NDST4: variants seen among roughly 807,000 people sequenced by gnomAD.
The protein encoded by NDST4 is N-heparan sulfate sulfotransferase 4.
Under a neutral mutation model 100.8 loss-of-function variants are expected in NDST4, and 63 were observed. The ratio of observed to expected loss-of-function variants is 0.62; its 90% CI spans 0.51 to 0.77. NDST4 has a LOEUF of 0.77. NDST4 is among the 30% of genes least tolerant of loss of function. The probability of loss-of-function intolerance (pLI) is 0.00; values close to 1 mark genes in which losing one functional copy is unlikely to be tolerated. For synonymous variants in NDST4, 377 were observed against 361.8 expected, an observed-to-expected ratio of 1.04 and a Z score of -0.48; for missense variants, 943 against 1,018.4, an observed-to-expected ratio of 0.93 and a Z score of 1.01.
chr4:115,002,521 G>A (rs1298595290), intron 2 of NDST4, among the ~76,000 whole-genome samples: 1 of 152,012 alleles, frequency 6.6e-6, no homozygotes, highest in Non-Finnish European at 1.5e-5. Flanking sequence ...TTGCCAATTT[G>A]GGCTTTTGTT....
chr4:114,951,200 TG>T lies in NDST4; in HGVS notation c.1222-13698del, dbSNP rs1725982364. ...AAAGATTCACGTGTTCACATGCACA[TG>T]AATGAACACTTTAATTAATTTTTTC... On this transcript the variant is annotated intron_variant, in intron 4 of 13. Coordinates refer to ENST00000264363, the MANE Select transcript of NDST4 (RefSeq NM_022569.3). Among the ~76,000 whole-genome samples, 3 of 152,112 alleles carry T rather than the reference TG, an allele frequency of 2.0e-5. No individual in the cohort carries two copies. The South Asian group carries it at 6.2e-4, about 32-fold the overall frequency.
At chr4:114,884,046 C>T (rs1724427625) in intron 6 of NDST4, among the ~76,000 whole-genome samples, 1 of 152,074 alleles carries the variant, frequency 6.6e-6, no homozygotes. Flanking sequence ...GAAAGTCATG[C>T]CATGCTCACA....
intron 2 of NDST4, among the ~76,000 whole-genome samples, chr4:115,023,761 A>G (rs1014484117): frequency 6.6e-6 from 1 of 152,284 alleles, no homozygotes; most frequent in Admixed American, 6.5e-5. Context: ...GACAAAAGGT[A>G]TCATGAACAC....
intron 1 of NDST4, among the ~76,000 whole-genome samples, chr4:115,092,983 G>A (rs1729548415): frequency 6.6e-6 from 1 of 152,066 alleles, no homozygotes; most frequent in Admixed American, 6.5e-5. Context: ...AAGTAATCAT[G>A]AAAAAGATAT....
At chr4:114,878,690 T>C (rs1724306541) in intron 6 of NDST4, among the ~76,000 whole-genome samples, 1 of 152,092 alleles carries the variant, frequency 6.6e-6, no homozygotes, top group Non-Finnish European at 1.5e-5. Flanking sequence ...AGTTTATAGG[T>C]TTGTTGTGAT....
chr4:115,013,961 G>C (rs1727617969), intron 2 of NDST4, among the ~76,000 whole-genome samples: 1 of 151,962 alleles, frequency 6.6e-6, no homozygotes, highest in South Asian at 2.1e-4. Context: ...AGACTATTTG[G>C]CCTGTGCAAA....
At chr4:114,899,259 C>A (rs997254110) in intron 6 of NDST4, among the ~76,000 whole-genome samples, 7 of 152,162 alleles carry the variant, frequency 4.6e-5, no homozygotes, top group African/African-American at 1.7e-4. Flanking sequence ...CTCACTGCAA[C>A]CTCCGCCTCC....
At chr4:115,069,144 G>T (rs574420862) in intron 2 of NDST4, among the ~76,000 whole-genome samples, 4 of 152,284 alleles carry the variant, frequency 2.6e-5, no homozygotes, top group South Asian at 2.1e-4. Context: ...AACTTAAAAT[G>T]TGGGTAGATT....
rs563656869 is a variant in NDST4 at position 115,022,649 on chromosome 4, C to T, written c.979-45375G>A. 1.5e-4 allele frequency among the ~76,000 whole-genome samples: 23 copies of T among 152,112 alleles called. No homozygotes were observed. In the East Asian group the frequency reaches 2.5e-3, roughly 17 times the overall value. Reference sequence around the variant, plus strand: ...TGGTAAACCAAATGAAATGGTTTGGCTATGTCCCCACCCGAATCTCATCTT... The same window carrying T: ...TGGTAAACCAAATGAAATGGTTTGGTTATGTCCCCACCCGAATCTCATCTT... On this transcript the variant is annotated intron_variant, in intron 2 of 13. Transcript: ENST00000264363.
chr4:115,020,044 G>A (rs1385481342), intron 2 of NDST4, among the ~76,000 whole-genome samples: 29 of 152,074 alleles, frequency 1.9e-4, no homozygotes, highest in Non-Finnish European at 8.8e-5. Flanking sequence ...ATGTAGATGC[G>A]CTGTTGGAAT....
At position 114,992,524 on chromosome 4, in the gene NDST4, T is replaced by C. The variant is rs190179800; in HGVS notation, c.979-15250A>G. Among the ~76,000 whole-genome samples the C allele has an allele frequency of 4.2e-3, 639 of 151,700 alleles. 10 individuals are homozygous for C. Among genetic ancestry groups the C allele is most frequent in the Middle Eastern group, 0.017 (5 of 294 alleles). ...CCCTTCACAGAACATGTTTGAACTA[T>C]ATGGGTCTGCTTATAGGAAGGTTTT... On this transcript the variant is annotated intron_variant, in intron 2 of 13. Transcript: ENST00000264363.
At chr4:115,087,477 A>C (rs496992) in intron 1 of NDST4, among the ~76,000 whole-genome samples, 23,806 of 151,212 alleles carry the variant, frequency 0.16, 2,283 homozygotes, top group East Asian at 0.46. Context: ...TCCCTTTCCT[A>C]TTTCCCCTTC....
At chr4:115,065,329 G>A (rs547741446) in intron 2 of NDST4, among the ~76,000 whole-genome samples, 19 of 152,046 alleles carry the variant, frequency 1.2e-4, no homozygotes, top group Non-Finnish European at 2.6e-4. Flanking sequence ...ATTAGGTTAA[G>A]GTAAACTAGT....
intron 2 of NDST4, among the ~76,000 whole-genome samples, chr4:115,049,186 C>T (rs574869927): frequency 1.1e-4 from 16 of 151,986 alleles, no homozygotes; most frequent in Non-Finnish European, 2.1e-4. Context: ...ACTTTGGTTT[C>T]GCAGCCCAGA....
At chr4:114,934,986 T>C (rs1222213978) in intron 6 of NDST4, 2 of 248,902 alleles carry the variant, frequency 8.0e-6, no homozygotes, top group African/African-American at 4.5e-5. Context: ...ACTACCCACA[T>C]TACAAAGTAA....
chr4:114,888,389 G>T (rs1724523829), intron 6 of NDST4, among the ~76,000 whole-genome samples: 1 of 152,100 alleles, frequency 6.6e-6, no homozygotes, highest in Non-Finnish European at 1.5e-5. Context: ...TGCTCATTCA[G>T]CATGGCTCAA....
At chr4:114,936,527 AC>A (rs1217845824) in intron 5 of NDST4, among the ~76,000 whole-genome samples, 1 of 152,198 alleles carries the variant, frequency 6.6e-6, no homozygotes, top group African/African-American at 2.4e-5. Context: ...ATGAGTAAGA[AC>A]AGTTTGTAAA....
Position 115,078,781 on chromosome 4 carries a change from A to G in NDST4, c.-246-1499T>C, listed in dbSNP as rs538084930. Among the ~76,000 whole-genome samples, 13 of 152,214 alleles carry G rather than the reference A, an allele frequency of 8.5e-5. No individual in the cohort carries two copies. In the East Asian group the frequency reaches 1.6e-3, roughly 18 times the overall value. On this transcript the variant is annotated intron_variant, in intron 1 of 13. Transcript: ENST00000264363. Reference sequence around the variant, plus strand: ...CTTGAACCCGGGAGGCGGAAGATGCAGTGAGCTGAGATTGTGCCACTGCAC... The same window carrying G: ...CTTGAACCCGGGAGGCGGAAGATGCGGTGAGCTGAGATTGTGCCACTGCAC...
intron 4 of NDST4, among the ~76,000 whole-genome samples, chr4:114,943,073 T>C (rs575793215): frequency 2.3e-4 from 34 of 147,190 alleles, no homozygotes; most frequent in African/African-American, 8.1e-4. Context: ...ATTTATATAT[T>C]ATATAATATA....
Sources: gnomAD v4.1 joint callset for allele counts (sites outside exome capture counted in the v4.1 genomes callset) on GRCh38, gnomAD v4.1.1 for gene constraint, MANE v1.5 for transcripts, NCBI Gene and HGNC (gene_info 2026-07-23, HGNC 2026-07-21) for gene names.